CNOT1: variants seen among roughly 807,000 people sequenced by gnomAD.
CNOT1 encodes the protein CCR4-NOT transcription complex subunit 1.
CNOT1 carries 15 observed loss-of-function variants against 273.8 expected under a neutral mutation model. The observed-to-expected ratio is 0.05, with a 90% CI of 0.04 to 0.08. The LOEUF (loss-of-function observed/expected upper bound fraction) is 0.08. Among genes scored for constraint, CNOT1 ranks in the 10% least tolerant of loss-of-function variants. The pLI is 1.00. For missense variants in CNOT1, 1,644 were observed against 2,912.2 expected (o/e 0.56, Z 10.02); for synonymous variants, 1,022 against 1,005.5 (o/e 1.02, Z -0.31).
At chr16:58,557,639 A>C (rs12924347) in intron 18 of CNOT1, among the ~76,000 whole-genome samples, 31 of 70,602 alleles carry the variant, frequency 4.4e-4, no homozygotes, top group South Asian at 2.0e-3. Context: ...ACAACAACAA[A>C]AAAAATATAG....
In CNOT1 at chr16:58,528,632, A is replaced by G; in HGVS notation, c.6296T>C (p.Leu2099Pro). The change falls in exon 44 of 49, where the codon CTG (leucine) becomes CCG (proline). Residue 2099 changes from leucine (L) to proline (P), a missense_variant. Leu to Pro is a moderately conservative substitution (Grantham distance 98, BLOSUM62 -3). Around this residue, in one of 13 missense-constraint regions of CNOT1, gnomAD observed 25 missense variants for 31.2 expected, o/e 0.80. Transcript: ENST00000317147. ...QILYKGTLRVLLVLLHDFPEF... is the reference protein window; with the variant it reads ...QILYKGTLRVPLVLLHDFPEF... Reference sequence around the variant, plus strand: ...TGGGAAATCATGCAAAAGAACCAGCAGCACTCTTAAAGTGCCCTATTTTTA... The same window carrying G: ...TGGGAAATCATGCAAAAGAACCAGCGGCACTCTTAAAGTGCCCTATTTTTA... The G allele has an allele frequency of 6.2e-7, 1 of 1,612,902 alleles. No individual in the cohort carries two copies. The highest frequency in any genetic ancestry group is 8.5e-7 in the Non-Finnish European group (1 of 1,179,528).
In CNOT1 at chr16:58,558,603, C is replaced by T. The variant is rs1297385366; in HGVS notation, c.2202G>A (p.Gln734=). The T allele has an allele frequency of 6.2e-7, 1 of 1,613,068 alleles. No homozygotes were observed. The highest frequency in any genetic ancestry group is 8.5e-7 in the Non-Finnish European group (1 of 1,179,640). ...CAGAACCCAAATTTGGAGGAAAACC[C>T]TGCATACTCTGGGTGTGAGGGGCAG... is the stretch of plus-strand genomic sequence containing the variant. ...GSAAPHTQSM[Q]GFPPNLGSAF... is the part of the protein sequence containing the mutation. The change falls in exon 18 of 49, where the codon CAG becomes CAA. Residue 734 remains glutamine (Q), a synonymous_variant. Transcript: ENST00000317147.
Position 58,555,265 on chromosome 16 carries a change from A to G in CNOT1, c.2877T>C (p.Asp959=), listed in dbSNP as rs2040595757. ...KMYYFGIAAL[D]RFKNRLKDYP... The stretch of plus-strand genomic sequence containing the variant: ...TATCCACTTACCTGTTTTTAAATCT[A>G]TCTAGTGCAGCAATCCCGAAATAAT... Residue 959 remains aspartate (D), a synonymous_variant, in exon 21 of 49, where the codon GAT becomes GAC. Transcript: ENST00000317147. 1.9e-6 allele frequency: 3 copies of G among 1,613,934 alleles called. No individual in the cohort carries two copies. The highest frequency in any genetic ancestry group is 2.5e-6 in the Non-Finnish European group (3 of 1,180,008).
At chr16:58,534,112 G>A (rs2039860685) in intron 40 of CNOT1, 35 bp downstream of exon 40, 2 of 1,592,886 alleles carry the variant, frequency 1.3e-6, no homozygotes, top group Non-Finnish European at 1.7e-6. Context: ...CCCCACTGAT[G>A]TAGACCAAGA....
intron 46 of CNOT1, 26 bp from the exon 47 acceptor site, chr16:58,523,528 G>A (rs765740441): frequency 3.7e-6 from 6 of 1,611,618 alleles, no homozygotes; most frequent in Admixed American, 3.4e-5. Context: ...CCTTGACTTA[G>A]GACTTAGTCT....
At chr16:58,596,263 T>C (rs9935054) in intron 2 of CNOT1, among the ~76,000 whole-genome samples, 114,568 of 152,062 alleles carry the variant, frequency 0.75, 43,581 homozygotes, top group Middle Eastern at 0.86. Flanking sequence ...AAGGACCACT[T>C]CTGGCTGCAG....
intron 1 of CNOT1, among the ~76,000 whole-genome samples, chr16:58,603,964 C>T (rs754711689): frequency 7.9e-5 from 12 of 152,300 alleles, no homozygotes; most frequent in Middle Eastern, 6.8e-3. Context: ...ATTATACATA[C>T]TTCATGTCCC....
At chr16:58,544,318 C>T (rs1455646030) in intron 30 of CNOT1, among the ~76,000 whole-genome samples, 1 of 152,090 alleles carries the variant, frequency 6.6e-6, no homozygotes, top group South Asian at 2.1e-4. Flanking sequence ...AAAATTAATT[C>T]ATCAGAATAG....
At position 58,626,480 on chromosome 16, in the gene CNOT1, G is replaced by A. The variant is rs553136995; in HGVS notation, c.-175+3248C>T. 1.1e-3 allele frequency among the ~76,000 whole-genome samples: 159 copies of A among 150,106 alleles called. 1 individual carries two copies. The highest frequency in any genetic ancestry group is 1.9e-3 in the Non-Finnish European group (132 of 67,760). ...AGCATTTCAAAATGGCAGACTACTA[G>A]GCTGGGCACGGTCACTCATGCCTGT... On this transcript the variant is annotated intron_variant, in intron 1 of 48. Coordinates refer to ENST00000317147, the MANE Select transcript of CNOT1 (RefSeq NM_016284.5).
intron 47 of CNOT1, among the ~76,000 whole-genome samples, chr16:58,522,058 G>A (rs544011611): frequency 2.8e-4 from 42 of 151,726 alleles, no homozygotes; most frequent in Non-Finnish European, 4.6e-4. Context: ...AGTGACTCAC[G>A]CCTGTAATCC....
At chr16:58,601,210 C>T (rs549862610) in intron 1 of CNOT1, among the ~76,000 whole-genome samples, 100 of 152,336 alleles carry the variant, frequency 6.6e-4, no homozygotes, top group Middle Eastern at 3.4e-3. Context: ...CCTGCTTCGG[C>T]CTTCCAAAAT....
At chr16:58,591,330 A>T (rs2042044706) in intron 2 of CNOT1, among the ~76,000 whole-genome samples, 1 of 152,244 alleles carries the variant, frequency 6.6e-6, no homozygotes. Context: ...TTGTTTCACT[A>T]GGATCAGCAA....
At chr16:58,536,835 G>C (rs1229253805) in intron 39 of CNOT1, 154 bp downstream of exon 39, 15 of 1,245,178 alleles carry the variant, frequency 1.2e-5, no homozygotes, top group Non-Finnish European at 1.6e-5. Context: ...GAGAAAACAG[G>C]CTGTAATTTA....
chr16:58,576,784 C>T (rs570822376), intron 13 of CNOT1, among the ~76,000 whole-genome samples: 1 of 152,292 alleles, frequency 6.6e-6, no homozygotes, highest in South Asian at 2.1e-4. Flanking sequence ...CCAAATAAAG[C>T]CTGTTCCTAA....
In CNOT1 at chr16:58,566,980, T is replaced by G. The variant is rs536214773; in HGVS notation, c.1980-6618A>C. Among the ~76,000 whole-genome samples the G allele has an allele frequency of 6.6e-5, 10 of 152,160 alleles. No individual in the cohort carries two copies. In the South Asian group the frequency reaches 1.9e-3, roughly 28 times the overall value. The stretch of plus-strand genomic sequence containing the variant: ...TAGGTATTAGAGGCACGTTTCTCTC[T>G]AATTATAACAGCCAAAAAGACCATC... On this transcript the variant is annotated intron_variant, in intron 16 of 48. Coordinates refer to ENST00000317147, the MANE Select transcript of CNOT1 (RefSeq NM_016284.5).
chr16:58,600,344 T>C (rs966120329), intron 1 of CNOT1, among the ~76,000 whole-genome samples: 4 of 152,056 alleles, frequency 2.6e-5, no homozygotes, highest in Non-Finnish European at 4.4e-5. Context: ...AAAAAGAAAA[T>C]ACTCATCCAA....
intron 1 of CNOT1, among the ~76,000 whole-genome samples, chr16:58,626,221 A>G (rs1205012124): frequency 6.6e-6 from 1 of 151,942 alleles, no homozygotes; most frequent in Non-Finnish European, 1.5e-5. Flanking sequence ...CAGCCTGGCC[A>G]ATACGTTGAA....
intron 1 of CNOT1, among the ~76,000 whole-genome samples, chr16:58,629,278 G>A (rs1292567631): frequency 6.6e-6 from 1 of 152,220 alleles, no homozygotes; most frequent in East Asian, 1.9e-4. Context: ...CCCGCCAGAA[G>A]CCCTAGGCCT....
intron 1 of CNOT1, among the ~76,000 whole-genome samples, chr16:58,622,586 C>A (rs2043391063): frequency 6.6e-6 from 1 of 152,204 alleles, no homozygotes; most frequent in Non-Finnish European, 1.5e-5. Flanking sequence ...TAGGCTCACG[C>A]CTATAATCCC....
Sources: gnomAD v4.1 joint callset for allele counts (sites outside exome capture counted in the v4.1 genomes callset) on GRCh38, gnomAD v4.1.1 for gene constraint, gnomAD v4.1.1 regional missense constraint, MANE v1.5 for transcripts, NCBI Gene and HGNC (gene_info 2026-07-23, HGNC 2026-07-21) for gene names.